Variants in GALNT16 observed in about 807,000 individuals in gnomAD.
GALNT16 encodes polypeptide N-acetylgalactosaminyltransferase 16, also known as UDP-GalNAc:polypeptide N-acetylgalactosaminyltransferase-like protein 1.
GALNT16 carries 40 observed loss-of-function variants against 76.1 expected under a neutral mutation model. The ratio of observed to expected loss-of-function variants is 0.53; its 90% CI spans 0.41 to 0.68. The LOEUF (loss-of-function observed/expected upper bound fraction) is 0.68, where lower values mean the gene tolerates loss of function less well. GALNT16 is among the 30% of genes least tolerant of loss of function. The pLI is 0.00. For synonymous variants in GALNT16, 276 were observed against 285.2 expected, an observed-to-expected ratio of 0.97 and a Z score of 0.32; for missense variants, 621 against 731.9, an observed-to-expected ratio of 0.85 and a Z score of 1.75.
rs2045662099 is a variant in GALNT16 at position 69,353,330 on chromosome 14, A to G, written c.*1162A>G. 1 of 152,026 alleles carries G rather than the reference A, an allele frequency of 6.6e-6. No homozygotes were observed. The highest frequency in any genetic ancestry group is 1.5e-5 in the Non-Finnish European group (1 of 68,016). The allele number at this position is 152,026 out of a possible 1,614,324, so 9.4% of individuals were successfully genotyped here. On this transcript the variant is annotated 3_prime_UTR_variant, in exon 15 of 15. Coordinates refer to ENST00000448469, the MANE Select transcript of GALNT16 (RefSeq NM_001168368.2). ...TCACCCTTATTCCCCTCCCTACTAC[A>G]GGAGGGATTTTCTTGAAGGGTCAGC...
Position 69,263,861 on chromosome 14 carries a change from C to T in GALNT16, c.177+3394C>T, listed in dbSNP as rs548394231. Among the ~76,000 whole-genome samples the T allele has an allele frequency of 4.9e-4, 74 of 152,270 alleles. No individual in the cohort carries two copies. In the South Asian group the frequency reaches 0.013, roughly 27 times the overall value. ...CATCCCTATATGGCTGCTTACGATG[C>T]GGCAAGGTTTGTGATTTTTCCATGC... is the stretch of plus-strand genomic sequence containing the variant. On this transcript the variant is annotated intron_variant, in intron 1 of 14. Coordinates refer to ENST00000448469, the MANE Select transcript of GALNT16 (RefSeq NM_001168368.2).
chr14:69,381,817 T>C, the GALNT16 span, among the ~76,000 whole-genome samples: 7 of 152,106 alleles, frequency 4.6e-5, no homozygotes, highest in Middle Eastern at 3.2e-3. Flanking sequence ...GCCTCCTGAG[T>C]AGGTAAGACT....
chr14:69,339,626 C>A lies in GALNT16; in HGVS notation c.1187+7C>A, dbSNP rs529518932. The A allele has an allele frequency of 4.2e-5, 65 of 1,548,218 alleles. No homozygotes were observed. The highest frequency in any genetic ancestry group is 1.7e-4 in the Middle Eastern group (1 of 5,910). The stretch of plus-strand genomic sequence containing the variant: ...TCGGGAAGGCCTTCGGCAGGTGGGC[C>A]CCCCCAGCTCCACTGTCTGACTCCC... On this transcript the variant is annotated splice_region_variant and intron_variant, in intron 11 of 14. Transcript: ENST00000448469.
At chr14:69,329,940 G>A (rs565879971) in intron 6 of GALNT16, among the ~76,000 whole-genome samples, 53 of 152,200 alleles carry the variant, frequency 3.5e-4, no homozygotes, top group African/African-American at 1.2e-3. Flanking sequence ...GAGATTTGGG[G>A]GGATAAATAC....
At chr14:69,273,566 T>G (rs2044433148) in intron 1 of GALNT16, among the ~76,000 whole-genome samples, 1 of 152,208 alleles carries the variant, frequency 6.6e-6, no homozygotes. Context: ...TGGAGTGATT[T>G]TTCTCCACTT....
chr14:69,311,741 A>G (rs1261435262), intron 1 of GALNT16, among the ~76,000 whole-genome samples: 2 of 152,304 alleles, frequency 1.3e-5, no homozygotes, highest in Admixed American at 6.5e-5. Context: ...ATAAACCGAC[A>G]TGCCCAGCTG....
intron 1 of GALNT16, among the ~76,000 whole-genome samples, chr14:69,314,213 A>T (rs983532753): frequency 6.6e-6 from 1 of 152,278 alleles, no homozygotes; most frequent in African/African-American, 2.4e-5. Context: ...TTAGTTAATA[A>T]TAATAATCAC....
At chr14:69,331,630 C>A (rs2045354450) in intron 7 of GALNT16, 79 bp downstream of exon 7, 4 of 813,466 alleles carry the variant, frequency 4.9e-6, no homozygotes, top group Non-Finnish European at 6.5e-6. Flanking sequence ...CCCTTGCTTG[C>A]TGCTCTTTCC....
At chr14:69,312,419 G>A (rs537263110) in intron 1 of GALNT16, among the ~76,000 whole-genome samples, 12 of 152,274 alleles carry the variant, frequency 7.9e-5, no homozygotes, top group African/African-American at 2.6e-4. Context: ...GGTGTTTCTT[G>A]GGGCCTCAGT....
intron 1 of GALNT16, among the ~76,000 whole-genome samples, chr14:69,294,871 A>G (rs1383125935): frequency 6.6e-6 from 1 of 152,120 alleles, no homozygotes; most frequent in East Asian, 1.9e-4. Context: ...GGCACAGGAC[A>G]CCGCGCTGGC....
At chr14:69,260,106 G>A, upstream of GALNT16, 1 of 522,132 alleles carries the variant, frequency 1.9e-6, no homozygotes, top group South Asian at 2.0e-5. Flanking sequence ...GGACCGTGAG[G>A]ATCGCTCCGC....
chr14:69,384,037 T>C, the GALNT16 span, among the ~76,000 whole-genome samples: 1 of 152,206 alleles, frequency 6.6e-6, no homozygotes, highest in African/African-American at 2.4e-5. Context: ...TGTTATGTCA[T>C]TAATGACATA....
intron 1 of GALNT16, among the ~76,000 whole-genome samples, chr14:69,291,859 C>T (rs1193829679): frequency 6.6e-6 from 1 of 152,184 alleles, no homozygotes; most frequent in African/African-American, 2.4e-5. Flanking sequence ...GCAAACTGAT[C>T]CGTGCCATAA....
intron 1 of GALNT16, among the ~76,000 whole-genome samples, chr14:69,319,148 T>A (rs2045142638): frequency 6.6e-6 from 1 of 152,228 alleles, no homozygotes; most frequent in South Asian, 2.1e-4. Context: ...GACATCTCCC[T>A]CACTGTTCTG....
chr14:69,350,186 T>A (rs1422383277), intron 14 of GALNT16: 1 of 152,288 alleles, frequency 6.6e-6, no homozygotes, highest in Non-Finnish European at 1.5e-5. Flanking sequence ...CACTCCTGCC[T>A]GGGTGACAGA....
intron 1 of GALNT16, among the ~76,000 whole-genome samples, chr14:69,269,363 A>G (rs1594809414): frequency 7.3e-6 from 1 of 136,680 alleles, no homozygotes; most frequent in African/African-American, 2.9e-5. Flanking sequence ...CGTGTGATGT[A>G]TGATATATGG....
chr14:69,367,365 T>C, the GALNT16 span, among the ~76,000 whole-genome samples: 1 of 151,822 alleles, frequency 6.6e-6, no homozygotes, highest in African/African-American at 2.4e-5. Flanking sequence ...GCAGCCCTCA[T>C]GAATGGGATT....
At chr14:69,300,078 A>G (rs985037542) in intron 1 of GALNT16, among the ~76,000 whole-genome samples, 6 of 152,218 alleles carry the variant, frequency 3.9e-5, no homozygotes, top group African/African-American at 1.4e-4. Context: ...GATGTTTCCT[A>G]GGGTGCTGCC....
At chr14:69,323,067 G>A (rs2045226943) in intron 2 of GALNT16, among the ~76,000 whole-genome samples, 1 of 151,702 alleles carries the variant, frequency 6.6e-6, no homozygotes, top group Admixed American at 6.6e-5. Context: ...CCATGGTGGG[G>A]CCAGTTTGCT....
Sources: allele counts gnomAD v4.1 joint callset (sites outside exome capture counted in the v4.1 genomes callset), GRCh38; gene constraint gnomAD v4.1.1; transcripts MANE v1.5; gene names NCBI Gene and HGNC (gene_info 2026-07-23, HGNC 2026-07-21).